Variants in RBM25 observed in about 807,000 individuals in gnomAD.
The protein encoded by RBM25 is RNA binding motif protein 25.
RBM25 carries 19 observed loss-of-function variants against 120.7 expected under a neutral mutation model. That is an observed-to-expected ratio of 0.16 (90% CI 0.11 to 0.23). The LOEUF is 0.23. RBM25 is among the 10% of genes least tolerant of loss of function. RBM25 has a pLI of 1.00. For synonymous variants in RBM25, 390 were observed against 326.7 expected, an observed-to-expected ratio of 1.19 and a Z score of -2.09; for missense variants, 605 against 1,041.5, an observed-to-expected ratio of 0.58 and a Z score of 5.77.
chr14:73,062,794 G>C (rs1271446531), intron 1 of RBM25, among the ~76,000 whole-genome samples: 2 of 151,268 alleles, frequency 1.3e-5, no homozygotes, highest in African/African-American at 4.8e-5. Flanking sequence ...CTACACTAGA[G>C]GTAGGGAACC....
intron 1 of RBM25, chr14:73,068,669 C>T (rs946243267): frequency 1.4e-5 from 5 of 352,784 alleles, no homozygotes; most frequent in African/African-American, 8.5e-5. Flanking sequence ...CAGGGACGCA[C>T]GCTTCCTTGG....
chr14:73,079,890 C>G (rs1202990712), intron 4 of RBM25, among the ~76,000 whole-genome samples: 1 of 150,514 alleles, frequency 6.6e-6, no homozygotes, highest in Admixed American at 6.6e-5. Flanking sequence ...GGCTTCTTTT[C>G]ACTGTAGCCA....
chr14:73,059,904 CGT>C (rs764895279), intron 1 of RBM25, among the ~76,000 whole-genome samples: 1 of 152,064 alleles, frequency 6.6e-6, no homozygotes, highest in East Asian at 1.9e-4. Context: ...TTGAGAAAAA[CGT>C]ATGTAAAATC....
intron 6 of RBM25, 130 bp downstream of exon 6, chr14:73,088,291 A>C: frequency 1.7e-6 from 2 of 1,178,756 alleles, no homozygotes; most frequent in African/African-American, 3.0e-5. Context: ...TTAATGTAGG[A>C]GGGTATTTTA....
rs370994751 is a variant in RBM25 at position 73,089,195 on chromosome 14, T to C, written c.543+1034T>C. Among the ~76,000 whole-genome samples the C allele has an allele frequency of 8.5e-5, 13 of 152,108 alleles. No homozygotes were observed. In the South Asian group the frequency reaches 2.1e-3, roughly 24 times the overall value. Reference sequence around the variant, plus strand: ...CCTTTCATGTTCCCTCCAAGTTCTTTGTTAAAAAAAAATAAAAACCAAACC... The same window carrying C: ...CCTTTCATGTTCCCTCCAAGTTCTTCGTTAAAAAAAAATAAAAACCAAACC... On this transcript the variant is annotated intron_variant, in intron 6 of 18. Coordinates refer to ENST00000261973, the MANE Select transcript of RBM25 (RefSeq NM_021239.3).
intron 10 of RBM25, among the ~76,000 whole-genome samples, chr14:73,104,491 G>A (rs903860802): frequency 5.3e-5 from 8 of 151,382 alleles, no homozygotes; most frequent in Admixed American, 1.3e-4. Context: ...TCAGCCTCCC[G>A]AGTAACTGGG....
At chr14:73,096,433 T>G (rs936298276) in intron 6 of RBM25, among the ~76,000 whole-genome samples, 3 of 152,196 alleles carry the variant, frequency 2.0e-5, no homozygotes, top group African/African-American at 7.2e-5. Context: ...AACTCCCGAT[T>G]CTTGCAGTTT....
At chr14:73,072,797 A>G (rs1019809135) in intron 2 of RBM25, among the ~76,000 whole-genome samples, 2 of 152,220 alleles carry the variant, frequency 1.3e-5, no homozygotes, top group African/African-American at 4.8e-5. Flanking sequence ...ATCTTTGCTT[A>G]TAAGAAATTT....
At chr14:73,112,765 AGTTTTGTTTGTTTT>A (rs1296658931) in intron 17 of RBM25, among the ~76,000 whole-genome samples, 3 of 151,496 alleles carry the variant, frequency 2.0e-5, no homozygotes, top group Non-Finnish European at 4.4e-5. Flanking sequence ...GTATTGTGTT[AGTTTTGTTTGTTTT>A]GTTTTGTTTT....
intron 6 of RBM25, 62 bp from the exon 7 acceptor site, chr14:73,096,853 T>C: frequency 7.2e-7 from 1 of 1,395,384 alleles, no homozygotes; most frequent in Non-Finnish European, 1.0e-6. Context: ...ACTCTTGTTG[T>C]AGAGTGATTT....
Position 73,099,291 on chromosome 14 carries a change from C to T in RBM25, c.730-89C>T, listed in dbSNP as rs534492268. On this transcript the variant is annotated intron_variant, in intron 7 of 18. Transcript: ENST00000261973. ...TCACAGAAGTGTACTGTATTGTTCA[C>T]GTCATAAATGTATAGGGCATTGCTT... 1.6e-4 allele frequency: 188 copies of T among 1,163,726 alleles called. 1 individual carries two copies. In the South Asian group the frequency reaches 2.2e-3, roughly 14 times the overall value. 72.1% of individuals were successfully genotyped at this position (1,163,726 alleles called of 1,614,324 possible).
chr14:73,115,192 T>G (rs1896401650), intron 18 of RBM25, among the ~76,000 whole-genome samples: 1 of 130,410 alleles, frequency 7.7e-6, no homozygotes, highest in Non-Finnish European at 1.6e-5. Context: ...GTGTGTGTTT[T>G]AAGTCGGATA....
intron 14 of RBM25, 52 bp from the exon 15 acceptor site, chr14:73,110,779 C>T: frequency 6.5e-7 from 1 of 1,538,660 alleles, no homozygotes. Flanking sequence ...AAACAAAAAT[C>T]AAGTTGAATG....
In RBM25 at chr14:73,111,514, T is replaced by A. The variant is rs1566601175; in HGVS notation, c.2018-14T>A. 1 of 1,572,646 alleles carries A rather than the reference T, an allele frequency of 6.4e-7. No individual in the cohort carries two copies. The highest frequency in any genetic ancestry group is 1.4e-5 in the African/African-American group (1 of 72,650). ...AAATTAAGTCATCTTGCTAAGAGAG[T>A]GTTTTTACTGTAGGTGCTTCCAATA... On this transcript the variant is annotated splice_polypyrimidine_tract_variant and intron_variant, in intron 15 of 18. Coordinates refer to ENST00000261973, the MANE Select transcript of RBM25 (RefSeq NM_021239.3).
At chr14:73,090,589 G>A (rs1369068735) in intron 6 of RBM25, among the ~76,000 whole-genome samples, 1 of 152,170 alleles carries the variant, frequency 6.6e-6, no homozygotes, top group Non-Finnish European at 1.5e-5. Context: ...GTTTCTGTCA[G>A]ACAGAATTAA....
rs1896026129 is a variant in RBM25 at position 73,099,963 on chromosome 14, T to C, written c.867+213T>C. 5.2e-5 allele frequency: 33 copies of C among 630,928 alleles called. 1 individual carries two copies. The South Asian group carries it at 1.1e-3, about 20-fold the overall frequency. 39.1% of individuals were successfully genotyped at this position (630,928 alleles called of 1,614,324 possible). On this transcript the variant is annotated intron_variant, in intron 9 of 18. Transcript: ENST00000261973. ...GCTTAGTTTTTTCAGTTACTGACTA[T>C]TCTGCAGTCATCTCACTTTAATATG...
intron 4 of RBM25, among the ~76,000 whole-genome samples, chr14:73,080,619 CTTCATAA>C (rs1182090664): frequency 2.0e-5 from 3 of 152,086 alleles, no homozygotes; most frequent in African/African-American, 7.2e-5. Context: ...TTTTACTGTT[CTTCATAA>C]TTTTGATATT....
Position 73,083,821 on chromosome 14 carries a change from T to C in RBM25, c.382+270T>C, listed in dbSNP as rs75205136. On this transcript the variant is annotated intron_variant, in intron 5 of 18. Coordinates refer to ENST00000261973, the MANE Select transcript of RBM25 (RefSeq NM_021239.3). Reference sequence around the variant, plus strand: ...GTTTCTTGTTCTTTCAAAAGTCTCTTTTGTCTCAAGAAATGACTGCATGAT... The same window carrying C: ...GTTTCTTGTTCTTTCAAAAGTCTCTCTTGTCTCAAGAAATGACTGCATGAT... Among the ~76,000 whole-genome samples the C allele has an allele frequency of 4.2e-3, 638 of 152,262 alleles. 6 individuals carry two copies. The highest frequency in any genetic ancestry group is 0.015 in the African/African-American group (619 of 41,550).
At chr14:73,063,335 G>T (rs191783465) in intron 1 of RBM25, among the ~76,000 whole-genome samples, 1 of 151,108 alleles carries the variant, frequency 6.6e-6, no homozygotes, top group Admixed American at 6.6e-5. Flanking sequence ...ATTTTTAGTA[G>T]AGACGAGATT....
Sources: gnomAD v4.1 joint callset for allele counts (sites outside exome capture counted in the v4.1 genomes callset) on GRCh38, gnomAD v4.1.1 for gene constraint, MANE v1.5 for transcripts, NCBI Gene and HGNC (gene_info 2026-07-23, HGNC 2026-07-21) for gene names.